IL19: variants seen among roughly 807,000 people sequenced by gnomAD.
The protein encoded by IL19 is interleukin 19.
A neutral mutation model predicts 19.5 loss-of-function variants in IL19; 15 were observed. The ratio of observed to expected loss-of-function variants is 0.77; its 90% CI spans 0.52 to 1.19. The LOEUF (loss-of-function observed/expected upper bound fraction) is 1.19. Ranked by LOEUF, IL19 falls within the 50% of genes most tolerant of loss-of-function variation. The pLI, the probability that IL19 is intolerant of heterozygous loss-of-function variation, is 0.00. For missense variants in IL19, 199 were observed against 213.1 expected (o/e 0.93, Z 0.41); for synonymous variants, 78 against 78.3 (o/e 1.00, Z 0.02).
chr1:206,779,363 G>C (rs1675077986), intron 1 of IL19, among the ~76,000 whole-genome samples: 1 of 151,996 alleles, frequency 6.6e-6, no homozygotes, highest in Non-Finnish European at 1.5e-5. Context: ...AATAGTGTGG[G>C]CTCCCAGAGC....
intron 2 of IL19, among the ~76,000 whole-genome samples, chr1:206,814,442 G>A (rs1676095614): frequency 6.7e-6 from 1 of 149,682 alleles, no homozygotes; most frequent in African/African-American, 2.5e-5. Context: ...TGTAATCCCA[G>A]CACTTTAGGA....
chr1:206,795,107 T>C (rs996009300), intron 1 of IL19, among the ~76,000 whole-genome samples: 4 of 152,150 alleles, frequency 2.6e-5, no homozygotes, highest in Non-Finnish European at 4.4e-5. Flanking sequence ...AGCTTAGGCA[T>C]AGGGGCCAGT....
intron 1 of IL19, among the ~76,000 whole-genome samples, chr1:206,790,519 C>T (rs766442379): frequency 1.3e-5 from 2 of 152,162 alleles, no homozygotes; most frequent in African/African-American, 4.8e-5. Flanking sequence ...AGATAAACAA[C>T]GTTGAGTCTC....
intron 2 of IL19, among the ~76,000 whole-genome samples, chr1:206,817,966 G>C (rs1676204067): frequency 6.6e-6 from 1 of 151,998 alleles, no homozygotes. Flanking sequence ...GTTTCACCAT[G>C]TTGGCCAGGC....
chr1:206,839,919 C>G lies in IL19; in HGVS notation c.280C>G (p.Gln94Glu), dbSNP rs1437311289. ...FYVDRVFKDH[Q>E]EPNPKILRKI... is the part of the protein sequence containing the mutation. ...CGTGGACAGGGTGTTCAAGGATCAT[C>G]AGGAGCCAAACCCCAAAATCTTGAG... Residue 94 changes from glutamine (Q) to glutamate (E), a missense_variant, in exon 5 of 7, where the codon CAG becomes GAG. Physicochemically the swap from Gln to Glu is conservative, Grantham distance 29. Coordinates refer to ENST00000659997, the MANE Select transcript of IL19 (RefSeq NM_153758.5). The G allele has an allele frequency of 6.2e-7, 1 of 1,614,114 alleles. No individual in the cohort carries two copies.
At chr1:206,824,806 A>G (rs978255703) in intron 2 of IL19, among the ~76,000 whole-genome samples, 2 of 152,242 alleles carry the variant, frequency 1.3e-5, no homozygotes, top group African/African-American at 4.8e-5. Context: ...CTTGTTGCCC[A>G]GGCTGGAGTG....
intron 1 of IL19, among the ~76,000 whole-genome samples, chr1:206,779,952 G>T (rs76020047): frequency 0.024 from 3,572 of 151,238 alleles, 77 homozygotes; most frequent in African/African-American, 0.029. Flanking sequence ...GCCTCCAAGT[G>T]GCTGGGCTTA....
chr1:206,832,261 A>T (rs1172858658), intron 2 of IL19, among the ~76,000 whole-genome samples: 1 of 152,274 alleles, frequency 6.6e-6, no homozygotes, highest in Non-Finnish European at 1.5e-5. Flanking sequence ...ATATTTATTA[A>T]GGAGTACTTA....
At chr1:206,816,452 A>G (rs1334139083) in intron 2 of IL19, among the ~76,000 whole-genome samples, 2 of 152,198 alleles carry the variant, frequency 1.3e-5, no homozygotes, top group Non-Finnish European at 2.9e-5. Context: ...GTATGATTTG[A>G]AGGCAGACTG....
chr1:206,800,431 G>A (rs1675653604), intron 2 of IL19, among the ~76,000 whole-genome samples: 1 of 152,238 alleles, frequency 6.6e-6, no homozygotes, highest in Non-Finnish European at 1.5e-5. Flanking sequence ...AGTATTATTA[G>A]TTAAGGGTTG....
At chr1:206,789,063 A>ACCTTTT (rs1317231360) in intron 1 of IL19, among the ~76,000 whole-genome samples, 2 of 152,128 alleles carry the variant, frequency 1.3e-5, no homozygotes, top group African/African-American at 4.8e-5. Context: ...TGCTAGAGTG[A>ACCTTTT]CCTTTTCCTT....
intron 2 of IL19, among the ~76,000 whole-genome samples, chr1:206,808,526 C>A (rs1675916138): frequency 8.3e-6 from 1 of 121,120 alleles, no homozygotes; most frequent in Admixed American, 9.0e-5. Context: ...TGTGTGTGTG[C>A]CCATGTGCAC....
chr1:206,815,721 AT>A (rs1676138621), intron 2 of IL19, among the ~76,000 whole-genome samples: 1 of 152,206 alleles, frequency 6.6e-6, no homozygotes, highest in African/African-American at 2.4e-5. Flanking sequence ...AAGCAACTAT[AT>A]AAAAGAGACA....
chr1:206,771,439 T>G, intron 1 of IL19: 1 of 1,583,740 alleles, frequency 6.3e-7, no homozygotes, highest in Non-Finnish European at 8.6e-7. Context: ...AAAAGGAGAA[T>G]GAACTTGAGG....
chr1:206,834,111 A>G (rs1676703381), intron 2 of IL19: 1 of 985,458 alleles, frequency 1.0e-6, no homozygotes, highest in African/African-American at 1.7e-5. Flanking sequence ...TCTCATTTGC[A>G]TGGAGATGGG....
intron 1 of IL19, among the ~76,000 whole-genome samples, chr1:206,795,171 G>A (rs1675494323): frequency 2.0e-5 from 3 of 152,174 alleles, no homozygotes; most frequent in Admixed American, 1.3e-4. Flanking sequence ...GTAACACCTG[G>A]CCACCAAGGC....
At chr1:206,771,511 TAAA>T in intron 1 of IL19, 2 of 1,060,920 alleles carry the variant, frequency 1.9e-6, no homozygotes, top group Non-Finnish European at 2.8e-6. Flanking sequence ...TTTTTTTTTT[TAAA>T]TAAAATTGGC....
At chr1:206,810,941 C>T (rs2102467477) in intron 2 of IL19, among the ~76,000 whole-genome samples, 1 of 152,266 alleles carries the variant, frequency 6.6e-6, no homozygotes, top group South Asian at 2.1e-4. Context: ...TGTAACATGC[C>T]CCCTTTGCTT....
At chr1:206,813,124 G>A (rs764979813) in intron 2 of IL19, among the ~76,000 whole-genome samples, 1 of 152,228 alleles carries the variant, frequency 6.6e-6, no homozygotes, top group Non-Finnish European at 1.5e-5. Context: ...GGGGTGGACT[G>A]TATCAGTTAT....
Sources: allele counts gnomAD v4.1 joint callset (sites outside exome capture counted in the v4.1 genomes callset), GRCh38; gene constraint gnomAD v4.1.1; transcripts MANE v1.5; gene names NCBI Gene and HGNC (gene_info 2026-07-23, HGNC 2026-07-21).